The following KMT2E variants were observed in gnomAD, a reference collection of about 807,000 sequenced individuals.
KMT2E encodes histone reader KMT2E.
KMT2E carries 30 observed loss-of-function variants against 184.6 expected under a neutral mutation model. That is an observed-to-expected ratio of 0.16 (90% confidence interval 0.12 to 0.22). The LOEUF (loss-of-function observed/expected upper bound fraction) is 0.22, where lower values mean the gene tolerates loss of function less well. KMT2E is among the 10% of genes least tolerant of loss of function. The pLI, the probability that KMT2E is intolerant of heterozygous loss-of-function variation, is 1.00. For synonymous variants in KMT2E, 815 were observed against 776.5 expected (o/e 1.05, Z -0.82); for missense variants, 2,023 against 2,237.4 (o/e 0.90, Z 1.93).
intron 12 of KMT2E, among the ~76,000 whole-genome samples, chr7:105,081,159 A>G (rs1379574205): frequency 6.6e-6 from 1 of 152,158 alleles, no homozygotes; most frequent in African/African-American, 2.4e-5. Flanking sequence ...AGGCCGGCAC[A>G]TCATGAGGTC....
intron 2 of KMT2E, among the ~76,000 whole-genome samples, chr7:105,038,936 G>A (rs904333660): frequency 1.3e-5 from 2 of 152,052 alleles, no homozygotes; most frequent in East Asian, 3.9e-4. Context: ...TTTTCCTGTT[G>A]AATCAAATTC....
intron 3 of KMT2E, among the ~76,000 whole-genome samples, chr7:105,044,539 A>G (rs1796018739): frequency 6.6e-6 from 1 of 152,184 alleles, no homozygotes; most frequent in Non-Finnish European, 1.5e-5. Context: ...ACTTGGAGGT[A>G]GGGTTTGTGA....
At chr7:105,089,321 A>C (rs575571350) in intron 13 of KMT2E, 1 of 392,740 alleles carries the variant, frequency 2.5e-6, no homozygotes, top group African/African-American at 2.2e-5. Context: ...GCCTTAGCCT[A>C]TCGCGTAGCC....
chr7:105,041,967 G>A (rs1795901432), intron 3 of KMT2E, among the ~76,000 whole-genome samples: 1 of 152,030 alleles, frequency 6.6e-6, no homozygotes, highest in South Asian at 2.1e-4. Context: ...CTGCTTTAAA[G>A]TACTGTCCTT....
At position 105,062,296 on chromosome 7, in the gene KMT2E, C is replaced by T; in HGVS notation, c.186+18C>T. ...CCTATGCGGTAAGTGTTAAACACTTCTTTGAAAAAACATTTTTAAATTTAG... is the reference window on the plus strand; with the variant it reads ...CCTATGCGGTAAGTGTTAAACACTTTTTTGAAAAAACATTTTTAAATTTAG... On this transcript the variant is annotated intron_variant, in intron 4 of 26. Transcript: ENST00000311117. The T allele has an allele frequency of 6.6e-7, 1 of 1,505,854 alleles. No individual in the cohort carries two copies. The highest frequency in any genetic ancestry group is 9.2e-7 in the Non-Finnish European group (1 of 1,091,008). 93.3% of individuals were successfully genotyped at this position (1,505,854 alleles called of 1,614,324 possible).
chr7:105,105,395 T>G, intron 17 of KMT2E, 44 bp from the exon 18 acceptor site: 2 of 1,414,692 alleles, frequency 1.4e-6, no homozygotes, highest in Middle Eastern at 1.9e-4. Context: ...AAGGGAGAAT[T>G]TGGAATTACA....
At chr7:105,030,461 G>C (rs377521248) in intron 1 of KMT2E, among the ~76,000 whole-genome samples, 1 of 152,226 alleles carries the variant, frequency 6.6e-6, no homozygotes. Flanking sequence ...AGGAGTTATA[G>C]ATTGGATTAT....
At position 105,015,422 on chromosome 7, in the gene KMT2E, C is replaced by CA. The variant is rs577530840; in HGVS notation, c.-189+890dup. ...TCTTAAGAACGATACAATTTAAAGT[C>CA]AAAGAGGAATCGCTAGAGTTAGCTC... On this transcript the variant is annotated intron_variant, in intron 1 of 26. Coordinates refer to ENST00000311117, the MANE Select transcript of KMT2E (RefSeq NM_182931.3). 2.0e-5 allele frequency among the ~76,000 whole-genome samples: 3 copies of CA among 152,246 alleles called. No homozygotes were observed. The South Asian group carries it at 6.2e-4, about 32-fold the overall frequency.
chr7:105,023,390 G>A (rs1416643451), intron 1 of KMT2E, among the ~76,000 whole-genome samples: 1 of 117,112 alleles, frequency 8.5e-6, no homozygotes, highest in East Asian at 3.3e-4. Context: ...TGACAAGAGT[G>A]AGACTCTGTC....
chr7:105,034,973 A>C (rs1584705533), intron 1 of KMT2E, among the ~76,000 whole-genome samples: 1 of 150,650 alleles, frequency 6.6e-6, no homozygotes. Flanking sequence ...CTTGTGCCTC[A>C]GTCTCCTGAT....
At chr7:105,033,721 G>A (rs573192589) in intron 1 of KMT2E, among the ~76,000 whole-genome samples, 21 of 152,050 alleles carry the variant, frequency 1.4e-4, no homozygotes, top group African/African-American at 5.1e-4. Context: ...GGGTGGTCTC[G>A]ATCTCCTGAC....
At chr7:105,054,514 A>G (rs13307847) in intron 3 of KMT2E, among the ~76,000 whole-genome samples, 48,487 of 137,378 alleles carry the variant, frequency 0.35, 8,178 homozygotes, top group Non-Finnish European at 0.4. Flanking sequence ...CTATCTATCT[A>G]TCTGTCTGTC....
chr7:105,060,837 A>T (rs927714879), intron 3 of KMT2E, among the ~76,000 whole-genome samples: 1 of 152,246 alleles, frequency 6.6e-6, no homozygotes, highest in Non-Finnish European at 1.5e-5. Flanking sequence ...AGCGCATAAC[A>T]TGCTGTATAG....
intron 3 of KMT2E, among the ~76,000 whole-genome samples, chr7:105,052,482 C>T (rs1796388970): frequency 6.6e-6 from 1 of 152,150 alleles, no homozygotes; most frequent in Admixed American, 6.5e-5. Flanking sequence ...TCTACAATGG[C>T]TAGCACAGGG....
chr7:105,083,867 C>G (rs1486525654), intron 13 of KMT2E, among the ~76,000 whole-genome samples: 1 of 152,174 alleles, frequency 6.6e-6, no homozygotes, highest in Admixed American at 6.5e-5. Context: ...AGCTAGACCT[C>G]TTTTTAAAAT....
intron 22 of KMT2E, 120 bp downstream of exon 22, chr7:105,108,045 AT>A: frequency 1.6e-6 from 1 of 643,092 alleles, no homozygotes; most frequent in Non-Finnish European, 2.3e-6. Flanking sequence ...TTAAAGTTAC[AT>A]TTTTAATATT....
intron 13 of KMT2E, among the ~76,000 whole-genome samples, chr7:105,087,820 TTGC>T (rs1250045277): frequency 1.3e-5 from 2 of 149,758 alleles, no homozygotes; most frequent in Non-Finnish European, 1.5e-5. Context: ...AGCTGTTTTC[TTGC>T]TTTTTTTTTT....
chr7:105,109,916 T>C (rs1310167887), intron 23 of KMT2E, among the ~76,000 whole-genome samples: 1 of 150,402 alleles, frequency 6.6e-6, no homozygotes, highest in Non-Finnish European at 1.5e-5. Context: ...CAATCTCGGC[T>C]CACTGCAAGC....
Position 105,101,411 on chromosome 7 carries a change from T to C in KMT2E, c.1723-14T>C. On this transcript the variant is annotated splice_polypyrimidine_tract_variant and intron_variant, in intron 15 of 26. Transcript: ENST00000311117. ...TTGATATTTATGATGTCACTTAAAA[T>C]TTAAATTTCATAGACAAGAGAAGAA... The C allele has an allele frequency of 6.6e-7, 1 of 1,504,932 alleles. No homozygotes were observed. The highest frequency in any genetic ancestry group is 1.4e-5 in the African/African-American group (1 of 70,332). The allele number at this position is 1,504,932 out of a possible 1,614,324, so 93.2% of individuals were successfully genotyped here.
Sources: allele counts gnomAD v4.1 joint callset (sites outside exome capture counted in the v4.1 genomes callset), GRCh38; gene constraint gnomAD v4.1.1; transcripts MANE v1.5; gene names NCBI Gene and HGNC (gene_info 2026-07-23, HGNC 2026-07-21).